Variants in CHST3 observed in about 807,000 individuals in gnomAD.
CHST3 encodes the protein carbohydrate sulfotransferase 3, also known as C6ST-1.
A neutral mutation model predicts 35.4 loss-of-function variants in CHST3; 20 were observed. That is an observed-to-expected ratio of 0.57 (90% confidence interval 0.40 to 0.82). CHST3 has a LOEUF of 0.82. Ranked by LOEUF, CHST3 falls within the 40% of genes least tolerant of loss-of-function variation. The pLI is 0.00. For synonymous variants in CHST3, 334 were observed against 295.9 expected (o/e 1.13, Z -1.32); for missense variants, 693 against 670.1 (o/e 1.03, Z -0.38).
intron 1 of CHST3, among the ~76,000 whole-genome samples, chr10:71,998,487 G>A (rs1461689120): frequency 3.9e-5 from 6 of 152,218 alleles, no homozygotes; most frequent in African/African-American, 1.2e-4. Context: ...GTGTAGGTCA[G>A]TTCCTACCTC....
rs190763138 is a variant in CHST3, at chr10:72,009,480, C to G, written c.*1009C>G. ...GGCCCCGTCTAGCTTGGCTGGCTCC[C>G]GAACATGTCCATATTTGAAGGCTGC... On this transcript the variant is annotated 3_prime_UTR_variant, in exon 3 of 3. Transcript: ENST00000373115. The G allele has an allele frequency of 6.6e-6, 1 of 152,196 alleles. No homozygotes were observed. The allele number at this position is 152,196 out of a possible 1,614,324, so 9.4% of individuals were successfully genotyped here. A position where few individuals can be genotyped will look rare whatever the true frequency, so the allele number is the denominator to read the frequency against.
intron 1 of CHST3, among the ~76,000 whole-genome samples, chr10:71,979,689 AT>A (rs921725568): frequency 9.9e-5 from 15 of 151,570 alleles, no homozygotes; most frequent in African/African-American, 3.6e-4. Flanking sequence ...TATTGTTTTT[AT>A]TTTTTTTCTC....
chr10:71,988,338 T>C (rs1298554477), intron 1 of CHST3, among the ~76,000 whole-genome samples: 4 of 152,176 alleles, frequency 2.6e-5, no homozygotes, highest in African/African-American at 4.8e-5. Flanking sequence ...GTTGGGATAT[T>C]TGTCCGCACC....
chr10:72,007,197 C>T lies in CHST3; in HGVS notation c.166C>T (p.Pro56Ser), dbSNP rs267602570. The T allele has an allele frequency of 6.2e-7, 1 of 1,614,170 alleles. No individual in the cohort carries two copies. The highest frequency in any genetic ancestry group is 2.2e-5 in the East Asian group (1 of 44,886). ...GGTCTCAGACAAGCTGAAGCAGATT[C>T]CCCAAGCTCTAGCAGATGCCAACAG... ...SRVSDKLKQI[P>S]QALADANSTD... Residue 56 changes from proline (P) to serine (S), a missense_variant, in exon 3 of 3, where the codon CCC (proline) becomes TCC (serine). Pro to Ser is a moderately conservative substitution (Grantham distance 74, BLOSUM62 -1). Transcript: ENST00000373115.
intron 1 of CHST3, among the ~76,000 whole-genome samples, chr10:71,987,881 A>C (rs756561164): frequency 6.6e-6 from 1 of 152,172 alleles, no homozygotes; most frequent in Non-Finnish European, 1.5e-5. Context: ...TAGGGATCCT[A>C]GACTTATGCA....
intron 1 of CHST3, among the ~76,000 whole-genome samples, chr10:71,985,094 C>T (rs1839835343): frequency 6.6e-6 from 1 of 152,248 alleles, no homozygotes; most frequent in Non-Finnish European, 1.5e-5. Context: ...CAAAGATAAC[C>T]CAGATGTCCC....
Position 72,009,867 on chromosome 10 carries a change from G to C in CHST3, c.*1396G>C, listed in dbSNP as rs933667281. ...TTTTTGCTTTTGTTTCTGTAGGAGC[G>C]CCTCTTCCAAGCAGTGGAGGCCTGA... On this transcript the variant is annotated 3_prime_UTR_variant, in exon 3 of 3. Transcript: ENST00000373115. 1 of 152,764 alleles carries C rather than the reference G, an allele frequency of 6.5e-6. No homozygotes were observed. Among genetic ancestry groups the C allele is most frequent in the Non-Finnish European group, 1.5e-5 (1 of 68,260 alleles). 9.5% of individuals were successfully genotyped at this position (152,764 alleles called of 1,614,324 possible).
intron 1 of CHST3, among the ~76,000 whole-genome samples, chr10:71,990,041 T>G (rs2131753707): frequency 6.6e-6 from 1 of 152,376 alleles, no homozygotes; most frequent in Non-Finnish European, 1.5e-5. Context: ...GTTAGCCTTT[T>G]GTAATTATAA....
Position 72,007,332 on chromosome 10 carries a change from C to A in CHST3, c.301C>A (p.Leu101Met), listed in dbSNP as rs1564531903. The change falls in exon 3 of 3, where the codon CTG becomes ATG. Residue 101 changes from leucine to methionine, a missense_variant. Leu to Met is a conservative substitution (Grantham distance 15, BLOSUM62 2). Coordinates refer to ENST00000373115, the MANE Select transcript of CHST3 (RefSeq NM_004273.5). ...CCGTCTCCGCAACCTCAGCTTGCAG[C>A]TGGGCGTGGAGCCAGCCATGGAGGC... ...QSRLRNLSLQ[L>M]GVEPAMEAAG... The A allele has an allele frequency of 1.9e-6, 3 of 1,610,708 alleles. No individual in the cohort carries two copies.
In CHST3 at chr10:71,984,849, T is replaced by C. The variant is rs575641680; in HGVS notation, c.-108+20155T>C. ...GGCAGGGGCTGTGTCTTTTCCTTCC[T>C]GTTCCTAGTGCCTGGTTCCATGCTT... On this transcript the variant is annotated intron_variant, in intron 1 of 2. Coordinates refer to ENST00000373115, the MANE Select transcript of CHST3 (RefSeq NM_004273.5). 2.6e-5 allele frequency among the ~76,000 whole-genome samples: 4 copies of C among 152,362 alleles called. No homozygotes were observed. The South Asian group carries it at 8.3e-4, about 32-fold the overall frequency.
At chr10:72,004,901 AG>A (rs1840023782) in intron 1 of CHST3, among the ~76,000 whole-genome samples, 1 of 152,208 alleles carries the variant, frequency 6.6e-6, no homozygotes, top group Admixed American at 6.5e-5. Flanking sequence ...AGGCCGAGGC[AG>A]GTGGATTGCT....
At chr10:72,006,090 G>T in intron 2 of CHST3, 108 bp downstream of exon 2, 2 of 1,404,038 alleles carry the variant, frequency 1.4e-6, no homozygotes, top group Non-Finnish European at 1.0e-6. Context: ...TTCCTTCAAC[G>T]AGCCATCCCC....
chr10:71,971,050 A>G (rs896801722), intron 1 of CHST3, among the ~76,000 whole-genome samples: 3 of 152,202 alleles, frequency 2.0e-5, no homozygotes, highest in Non-Finnish European at 4.4e-5. Context: ...CCATCTCTTA[A>G]TAACTTCAAT....
At chr10:71,993,952 T>A (rs1449820190) in intron 1 of CHST3, among the ~76,000 whole-genome samples, 1 of 151,926 alleles carries the variant, frequency 6.6e-6, no homozygotes, top group South Asian at 2.1e-4. Context: ...ATACAAAAAT[T>A]AGCCAAGCGT....
Position 72,007,468 on chromosome 10 carries a change from C to T in CHST3, c.437C>T (p.Ser146Leu). ...ATGGCCACCACGCGCACCGGCTCCTCGTTCGTGGGCGAGTTCTTCAACCAG... is the reference window on the plus strand; with the variant it reads ...ATGGCCACCACGCGCACCGGCTCCTTGTTCGTGGGCGAGTTCTTCAACCAG... ...LLMATTRTGS[S>L]FVGEFFNQQG... The change falls in exon 3 of 3, where the codon TCG (serine) becomes TTG (leucine). Residue 146 changes from serine (S) to leucine (L), a missense_variant. Coordinates refer to ENST00000373115, the MANE Select transcript of CHST3 (RefSeq NM_004273.5). 1 of 1,602,192 alleles carries T rather than the reference C, an allele frequency of 6.2e-7. No homozygotes were observed. Among genetic ancestry groups the T allele is most frequent in the South Asian group, 1.1e-5 (1 of 91,016 alleles).
At chr10:72,005,005 C>T (rs142057740) in intron 1 of CHST3, among the ~76,000 whole-genome samples, 134 of 152,252 alleles carry the variant, frequency 8.8e-4, no homozygotes, top group African/African-American at 3.2e-3. Flanking sequence ...GTGGTGTGCA[C>T]TTGTGGTGAC....
chr10:71,985,264 C>T (rs1301777148), intron 1 of CHST3, among the ~76,000 whole-genome samples: 1 of 152,252 alleles, frequency 6.6e-6, no homozygotes, highest in Non-Finnish European at 1.5e-5. Context: ...CTTGCATGGT[C>T]TCATGGGACT....
At chr10:71,989,377 G>A (rs1046851311) in intron 1 of CHST3, among the ~76,000 whole-genome samples, 1 of 152,242 alleles carries the variant, frequency 6.6e-6, no homozygotes, top group African/African-American at 2.4e-5. Context: ...AGTCCAGGAG[G>A]TTGAGGCTGC....
intron 1 of CHST3, among the ~76,000 whole-genome samples, chr10:71,965,754 G>A (rs541156043): frequency 6.6e-6 from 1 of 152,228 alleles, no homozygotes; most frequent in Admixed American, 6.5e-5. Context: ...CTCACTGTGC[G>A]GCAAGGCCAG....
Sources: gnomAD v4.1 joint callset for allele counts (sites outside exome capture counted in the v4.1 genomes callset) on GRCh38, gnomAD v4.1.1 for gene constraint, MANE v1.5 for transcripts, NCBI Gene and HGNC (gene_info 2026-07-23, HGNC 2026-07-21) for gene names.